The following IGF2BP2 variants were observed in gnomAD, a reference collection of about 807,000 sequenced individuals.
IGF2BP2 encodes the protein insulin-like growth factor 2 mRNA-binding protein 2.
In IGF2BP2, 17 loss-of-function variants were observed where a neutral mutation model predicts 75.8. That is an observed-to-expected ratio of 0.22 (90% CI 0.15 to 0.34). IGF2BP2 has a LOEUF of 0.34. IGF2BP2 is among the 10% of genes least tolerant of loss of function. The pLI is 1.00. For synonymous variants in IGF2BP2, 288 were observed against 295.6 expected (o/e 0.97, Z 0.26); for missense variants, 516 against 772.4 (o/e 0.67, Z 3.93).
intron 2 of IGF2BP2, among the ~76,000 whole-genome samples, chr3:185,820,235 T>TACACACACACAC (rs202064714): frequency 1.6e-3 from 162 of 102,802 alleles, no homozygotes; most frequent in African/African-American, 5.3e-3. Context: ...TATATACACA[T>TACACACACACAC]ACACACACAC....
intron 9 of IGF2BP2, among the ~76,000 whole-genome samples, chr3:185,673,955 T>G (rs1287284527): frequency 6.6e-6 from 1 of 152,176 alleles, no homozygotes; most frequent in Non-Finnish European, 1.5e-5. Flanking sequence ...AAAATGAGAT[T>G]GTCAGATGAT....
chr3:185,806,454 C>T (rs969221920), intron 2 of IGF2BP2, among the ~76,000 whole-genome samples: 1 of 152,120 alleles, frequency 6.6e-6, no homozygotes, highest in Non-Finnish European at 1.5e-5. Flanking sequence ...TCTACACATT[C>T]GAAAGGAAAC....
chr3:185,697,912 T>C (rs1194986664), intron 3 of IGF2BP2, among the ~76,000 whole-genome samples: 7 of 152,070 alleles, frequency 4.6e-5, no homozygotes, highest in Non-Finnish European at 1.0e-4. Context: ...GGAAGATCCC[T>C]GGACCCGGCT....
intron 2 of IGF2BP2, among the ~76,000 whole-genome samples, chr3:185,741,095 G>C (rs868011462): frequency 6.6e-6 from 1 of 151,998 alleles, no homozygotes; most frequent in Middle Eastern, 3.2e-3. Context: ...AGGATGTCTC[G>C]ATCTCCTGAC....
intron 13 of IGF2BP2, among the ~76,000 whole-genome samples, chr3:185,651,173 A>C (rs573456192): frequency 6.6e-6 from 1 of 151,392 alleles, no homozygotes; most frequent in East Asian, 2.0e-4. Flanking sequence ...GGCCTCCTAA[A>C]GTGTTGGGAT....
chr3:185,743,502 C>T (rs1484702249), intron 2 of IGF2BP2, among the ~76,000 whole-genome samples: 2 of 152,178 alleles, frequency 1.3e-5, no homozygotes. Context: ...TCTCAAACTC[C>T]TGACCTCAGG....
chr3:185,783,337 G>C (rs1229539512), intron 2 of IGF2BP2, among the ~76,000 whole-genome samples: 3 of 152,196 alleles, frequency 2.0e-5, no homozygotes, highest in East Asian at 3.9e-4. Context: ...TGGGAGAGTG[G>C]GCTAGGCCCT....
intron 10 of IGF2BP2, among the ~76,000 whole-genome samples, chr3:185,671,008 T>C (rs968582594): frequency 6.6e-6 from 1 of 152,220 alleles, no homozygotes; most frequent in African/African-American, 2.4e-5. Context: ...TCCCAAGAAA[T>C]GATGATGTGC....
chr3:185,706,858 A>G (rs1485345111), intron 2 of IGF2BP2, among the ~76,000 whole-genome samples: 4 of 150,966 alleles, frequency 2.6e-5, no homozygotes, highest in Admixed American at 6.6e-5. Context: ...CTTCCACCTC[A>G]GCCTCCCGAG....
intron 1 of IGF2BP2, 125 bp from the exon 2 acceptor site, chr3:185,823,338 C>T: frequency 1.7e-6 from 1 of 584,128 alleles, no homozygotes; most frequent in Non-Finnish European, 2.9e-6. Context: ...GGTCTCCTAC[C>T]CGGATCGAGC....
intron 2 of IGF2BP2, among the ~76,000 whole-genome samples, chr3:185,773,322 AC>A (rs1176606379): frequency 1.3e-5 from 2 of 152,236 alleles, no homozygotes; most frequent in Non-Finnish European, 2.9e-5. Flanking sequence ...AACACTATAG[AC>A]TATAGAACTT....
chr3:185,799,481 GCT>G (rs1737890069), intron 2 of IGF2BP2, among the ~76,000 whole-genome samples: 1 of 152,170 alleles, frequency 6.6e-6, no homozygotes, highest in South Asian at 2.1e-4. Flanking sequence ...AGGCACGGTG[GCT>G]CACGCCTGTA....
intron 6 of IGF2BP2, 38 bp downstream of exon 6, chr3:185,689,317 C>T (rs1302917840): frequency 6.3e-7 from 1 of 1,599,406 alleles, no homozygotes; most frequent in East Asian, 2.2e-5. Context: ...GCAGGGGACC[C>T]CTCAGAAGGA....
intron 14 of IGF2BP2, among the ~76,000 whole-genome samples, chr3:185,649,161 G>T (rs1289731321): frequency 6.6e-6 from 1 of 152,102 alleles, no homozygotes; most frequent in Non-Finnish European, 1.5e-5. Flanking sequence ...GGTATTTTTG[G>T]TGCTGGGCTT....
At chr3:185,781,274 T>C (rs1417058711) in intron 2 of IGF2BP2, among the ~76,000 whole-genome samples, 3 of 152,158 alleles carry the variant, frequency 2.0e-5, no homozygotes, top group African/African-American at 7.2e-5. Flanking sequence ...AAATACTATG[T>C]ATCCATCTCC....
intron 2 of IGF2BP2, among the ~76,000 whole-genome samples, chr3:185,711,806 G>C (rs1724840267): frequency 6.6e-6 from 1 of 152,198 alleles, no homozygotes; most frequent in South Asian, 2.1e-4. Flanking sequence ...AGAGAAGGAA[G>C]AGAGCTGAGT....
intron 2 of IGF2BP2, among the ~76,000 whole-genome samples, chr3:185,706,984 C>T (rs1226569204): frequency 2.0e-5 from 3 of 152,074 alleles, no homozygotes; most frequent in African/African-American, 7.2e-5. Flanking sequence ...TCAAGAGATA[C>T]ACCTGCCTCA....
chr3:185,813,614 T>G (rs927406419), intron 2 of IGF2BP2, among the ~76,000 whole-genome samples: 1 of 152,214 alleles, frequency 6.6e-6, no homozygotes, highest in Non-Finnish European at 1.5e-5. Context: ...TAAATACAAC[T>G]GCACTTCAGG....
At chr3:185,731,843 G>A (rs1279876516) in intron 2 of IGF2BP2, among the ~76,000 whole-genome samples, 1 of 152,006 alleles carries the variant, frequency 6.6e-6, no homozygotes, top group African/African-American at 2.4e-5. Context: ...TTAGCCGGGC[G>A]TCGGGGCGGG....
Sources: allele counts gnomAD v4.1 joint callset (sites outside exome capture counted in the v4.1 genomes callset), GRCh38; gene constraint gnomAD v4.1.1; transcripts MANE v1.5; gene names NCBI Gene and HGNC (gene_info 2026-07-23, HGNC 2026-07-21).